The following NR6A1 variants were observed in gnomAD, a reference collection of about 807,000 sequenced individuals.
The protein encoded by NR6A1 is nuclear receptor subfamily 6 group A member 1.
In NR6A1, 7 loss-of-function variants were observed where a neutral mutation model predicts 59.1. That is an observed-to-expected ratio of 0.12 (90% CI 0.07 to 0.22). The LOEUF is 0.22. NR6A1 is among the 10% of genes least tolerant of loss of function. The pLI is 1.00. For synonymous variants in NR6A1, 243 were observed against 236.1 expected, an observed-to-expected ratio of 1.03 and a Z score of -0.27; for missense variants, 468 against 611.6, an observed-to-expected ratio of 0.77 and a Z score of 2.48.
chr9:124,568,397 T>G (rs973195282), intron 2 of NR6A1, among the ~76,000 whole-genome samples: 3 of 150,930 alleles, frequency 2.0e-5, no homozygotes, highest in Non-Finnish European at 4.4e-5. Context: ...GAGGCAGAAT[T>G]GCTTGAACCC....
At chr9:124,676,452 T>A (rs987390661) in intron 2 of NR6A1, among the ~76,000 whole-genome samples, 1 of 151,952 alleles carries the variant, frequency 6.6e-6, no homozygotes, top group Non-Finnish European at 1.5e-5. Flanking sequence ...AAAAAAAAAA[T>A]GACCTACATA....
intron 1 of NR6A1, among the ~76,000 whole-genome samples, chr9:124,767,516 A>G (rs985809428): frequency 4.6e-5 from 7 of 151,762 alleles, no homozygotes; most frequent in Non-Finnish European, 7.4e-5. Flanking sequence ...AAAAAAAGAA[A>G]AAAAAAAAAA....
At chr9:124,636,138 C>T (rs1057222601) in intron 2 of NR6A1, among the ~76,000 whole-genome samples, 4 of 152,204 alleles carry the variant, frequency 2.6e-5, no homozygotes, top group Non-Finnish European at 5.9e-5. Flanking sequence ...TGCTTTTTCA[C>T]CACTTATATT....
chr9:124,536,328 T>C (rs1833266004), intron 6 of NR6A1, among the ~76,000 whole-genome samples, 196 bp from the exon 7 acceptor site: 2 of 152,068 alleles, frequency 1.3e-5, no homozygotes, highest in Non-Finnish European at 2.9e-5. Context: ...AGTTCAGGGC[T>C]GGAGAGGCGG....
rs546714821 is a variant in NR6A1, at chr9:124,761,392, T to C, written c.100+9628A>G. ...GATGCGGTAACTCCTTATTTGTTAT[T>C]CACATTGTTATGTGACATTTCTTCA... On this transcript the variant is annotated intron_variant, in intron 1 of 9. Transcript: ENST00000487099. Among the ~76,000 whole-genome samples, 6 of 152,322 alleles carry C rather than the reference T, an allele frequency of 3.9e-5. No individual in the cohort carries two copies. The South Asian group carries it at 1.2e-3, about 32-fold the overall frequency.
chr9:124,770,960 T>A, intron 1 of NR6A1, 60 bp downstream of exon 1: 1 of 970,784 alleles, frequency 1.0e-6, no homozygotes, highest in South Asian at 5.2e-5. Flanking sequence ...GGGGGATCCC[T>A]GGCGGAGGCT....
intron 2 of NR6A1, among the ~76,000 whole-genome samples, chr9:124,673,358 T>C (rs1030425704): frequency 1.3e-5 from 2 of 151,980 alleles, no homozygotes; most frequent in Non-Finnish European, 2.9e-5. Flanking sequence ...CATATGAAGG[T>C]TCTCCCATAA....
chr9:124,525,538 G>A (rs750390923), intron 8 of NR6A1, among the ~76,000 whole-genome samples: 1 of 151,986 alleles, frequency 6.6e-6, no homozygotes, highest in Non-Finnish European at 1.5e-5. Context: ...TAAATTTTCT[G>A]TAGAGATGGG....
chr9:124,591,412 T>C (rs1334265687), intron 2 of NR6A1, among the ~76,000 whole-genome samples: 2 of 152,222 alleles, frequency 1.3e-5, no homozygotes, highest in East Asian at 1.9e-4. Flanking sequence ...GATGAGGTTC[T>C]TTCTCCAACA....
chr9:124,744,962 C>T (rs1267673675), intron 1 of NR6A1, among the ~76,000 whole-genome samples: 1 of 152,122 alleles, frequency 6.6e-6, no homozygotes, highest in Non-Finnish European at 1.5e-5. Flanking sequence ...TTTAAAATCT[C>T]CATATAAAAA....
At chr9:124,665,400 G>A (rs1397957752) in intron 2 of NR6A1, among the ~76,000 whole-genome samples, 1 of 152,126 alleles carries the variant, frequency 6.6e-6, no homozygotes, top group Non-Finnish European at 1.5e-5. Context: ...GAGTCATCAA[G>A]CCATTAAGAA....
intron 2 of NR6A1, among the ~76,000 whole-genome samples, chr9:124,680,092 G>A (rs10125251): frequency 1.8e-3 from 187 of 105,062 alleles, no homozygotes; most frequent in African/African-American, 0.014. Flanking sequence ...GTGTATGTAT[G>A]TGTGTGTGTG....
At chr9:124,580,163 T>G (rs754685483) in intron 2 of NR6A1, among the ~76,000 whole-genome samples, 2 of 152,232 alleles carry the variant, frequency 1.3e-5, no homozygotes, top group East Asian at 3.8e-4. Context: ...CATCCCAAAC[T>G]GTAAATAACC....
At chr9:124,582,415 G>A (rs746690406) in intron 2 of NR6A1, among the ~76,000 whole-genome samples, 9 of 152,156 alleles carry the variant, frequency 5.9e-5, no homozygotes, top group Non-Finnish European at 8.8e-5. Flanking sequence ...GGGCTTACCA[G>A]AGGGCAGAGG....
chr9:124,662,954 C>T lies in NR6A1; in HGVS notation c.142+70354G>A, dbSNP rs1416611704. On this transcript the variant is annotated intron_variant, in intron 2 of 9. Transcript: ENST00000487099. ...GGAAGCTGATATCTGTTCAGGAAAACTTAAAAAGCTATATTAGAAATACAA... is the reference window on the plus strand; with the variant it reads ...GGAAGCTGATATCTGTTCAGGAAAATTTAAAAAGCTATATTAGAAATACAA... 3.9e-5 allele frequency among the ~76,000 whole-genome samples: 6 copies of T among 152,182 alleles called. No individual in the cohort carries two copies. In the South Asian group the frequency reaches 8.3e-4, roughly 21 times the overall value.
chr9:124,616,417 A>AG (rs1835893964), intron 2 of NR6A1, among the ~76,000 whole-genome samples: 1 of 151,278 alleles, frequency 6.6e-6, no homozygotes, highest in Admixed American at 6.6e-5. Context: ...AAAAAAAAAA[A>AG]AAAAGAAAAG....
intron 2 of NR6A1, among the ~76,000 whole-genome samples, chr9:124,660,725 A>G (rs1430366933): frequency 6.6e-6 from 1 of 151,670 alleles, no homozygotes; most frequent in Non-Finnish European, 1.5e-5. Context: ...ACCACCTCCA[A>G]TGTCATAAAA....
At chr9:124,676,691 A>G (rs575876415) in intron 2 of NR6A1, among the ~76,000 whole-genome samples, 1 of 152,350 alleles carries the variant, frequency 6.6e-6, no homozygotes, top group African/African-American at 2.4e-5. Flanking sequence ...GAATCAGTTT[A>G]TAGAGTGATG....
intron 2 of NR6A1, among the ~76,000 whole-genome samples, chr9:124,706,292 T>C (rs1352245136): frequency 1.3e-5 from 2 of 152,346 alleles, no homozygotes; most frequent in East Asian, 3.9e-4. Flanking sequence ...ATCTTGTCTT[T>C]TTAAAAAATT....
Sources: allele counts gnomAD v4.1 joint callset (sites outside exome capture counted in the v4.1 genomes callset), GRCh38; gene constraint gnomAD v4.1.1; transcripts MANE v1.5; gene names NCBI Gene and HGNC (gene_info 2026-07-23, HGNC 2026-07-21).